PRKD1: variants seen among roughly 807,000 people sequenced by gnomAD.
PRKD1 encodes the protein serine/threonine-protein kinase D1.
PRKD1 carries 63 observed loss-of-function variants against 95.9 expected under a neutral mutation model. That is an observed-to-expected ratio of 0.66 (90% CI 0.54 to 0.81). The LOEUF (loss-of-function observed/expected upper bound fraction) is 0.81. Ranked by LOEUF, PRKD1 falls within the 30% of genes least tolerant of loss-of-function variation. The probability of loss-of-function intolerance (pLI) is 0.00; values close to 1 mark genes in which losing one functional copy is unlikely to be tolerated. For missense variants in PRKD1, 1,048 were observed against 1,165.3 expected (o/e 0.90, Z 1.47); for synonymous variants, 425 against 423.1 (o/e 1.00, Z -0.05).
chr14:29,665,931 A>G, intron 3 of PRKD1, 146 bp downstream of exon 3: 1 of 793,960 alleles, frequency 1.3e-6, no homozygotes, highest in Non-Finnish European at 1.8e-6. Context: ...GTGCGTATAT[A>G]TATGTATATA....
intron 4 of PRKD1, among the ~76,000 whole-genome samples, chr14:29,659,776 T>C (rs1445571719): frequency 2.6e-5 from 4 of 152,230 alleles, no homozygotes; most frequent in Non-Finnish European, 4.4e-5. Context: ...GTTAAGTATA[T>C]AGCTATATTT....
At chr14:29,837,317 T>C (rs558027961) in intron 1 of PRKD1, among the ~76,000 whole-genome samples, 1 of 152,330 alleles carries the variant, frequency 6.6e-6, no homozygotes, top group African/African-American at 2.4e-5. Flanking sequence ...ATGAAGTACA[T>C]GACTGATGTG....
At chr14:29,687,681 A>G (rs1388428185) in intron 2 of PRKD1, among the ~76,000 whole-genome samples, 2 of 152,222 alleles carry the variant, frequency 1.3e-5, no homozygotes, top group East Asian at 3.9e-4. Context: ...TCTTTGTTAA[A>G]TGAGTATTTA....
At position 29,599,018 on chromosome 14, in the gene PRKD1, T is replaced by C; in HGVS notation, c.2166+9A>G. 5.0e-6 allele frequency: 8 copies of C among 1,607,384 alleles called. No individual in the cohort carries two copies. Among genetic ancestry groups the C allele is most frequent in the Non-Finnish European group, 6.8e-6 (8 of 1,174,114 alleles). ...CTGGCTTTTTGCTGAGAGAGGCTTTTATACTTGCCTGAGGAAAAGGATCAG... is the reference window on the plus strand; with the variant it reads ...CTGGCTTTTTGCTGAGAGAGGCTTTCATACTTGCCTGAGGAAAAGGATCAG... On this transcript the variant is annotated intron_variant, in intron 15 of 17. Coordinates refer to ENST00000331968, the MANE Select transcript of PRKD1 (RefSeq NM_002742.3).
rs949756312 is a variant in PRKD1 at position 29,644,424 on chromosome 14, T to G, written c.697-5520A>C. On this transcript the variant is annotated intron_variant, in intron 4 of 17. Coordinates refer to ENST00000331968, the MANE Select transcript of PRKD1 (RefSeq NM_002742.3). ...GAGGAATGGTTGAGACTATAGTAAT[T>G]TGGAGAGGACAGCGTCACTGTAAAA... is the stretch of plus-strand genomic sequence containing the variant. 2.6e-5 allele frequency among the ~76,000 whole-genome samples: 4 copies of G among 152,254 alleles called. No individual in the cohort carries two copies. In the East Asian group the frequency reaches 7.7e-4, roughly 29 times the overall value.
chr14:29,600,664 T>C (rs1364902111), intron 13 of PRKD1, among the ~76,000 whole-genome samples: 4 of 152,170 alleles, frequency 2.6e-5, no homozygotes, highest in Non-Finnish European at 5.9e-5. Flanking sequence ...TTTTGATATG[T>C]GGTGCGGTGG....
At chr14:29,782,819 C>T (rs1309057660) in intron 1 of PRKD1, among the ~76,000 whole-genome samples, 5 of 152,204 alleles carry the variant, frequency 3.3e-5, no homozygotes, top group African/African-American at 1.2e-4. Context: ...GCCAGTATTA[C>T]AGGCGTGAGC....
At chr14:29,593,771 A>G (rs902836139) in intron 16 of PRKD1, among the ~76,000 whole-genome samples, 4 of 152,166 alleles carry the variant, frequency 2.6e-5, no homozygotes, top group African/African-American at 7.2e-5. Flanking sequence ...TTATTTGCCT[A>G]AGTTACAGAT....
chr14:29,766,848 T>G (rs2139128916), intron 1 of PRKD1, among the ~76,000 whole-genome samples: 1 of 152,248 alleles, frequency 6.6e-6, no homozygotes, highest in East Asian at 1.9e-4. Flanking sequence ...TTTATTCAAA[T>G]TGTTGCATAT....
rs1374989649 is a variant in PRKD1, at chr14:29,909,058, T to C, written c.264+18191A>G. ...CTCACGGGTCAGCATGAGTTCCGGG[T>C]GGGCGTGGGCTTGGCGGGCCCCACA... On this transcript the variant is annotated intron_variant, in intron 1 of 17. Coordinates refer to ENST00000331968, the MANE Select transcript of PRKD1 (RefSeq NM_002742.3). 4.6e-5 allele frequency among the ~76,000 whole-genome samples: 7 copies of C among 152,170 alleles called. No homozygotes were observed. The East Asian group carries it at 1.2e-3, about 25-fold the overall frequency.
chr14:29,734,192 A>ACTCG, intron 1 of PRKD1, among the ~76,000 whole-genome samples: 1 of 151,238 alleles, frequency 6.6e-6, no homozygotes, highest in South Asian at 2.1e-4. Flanking sequence ...ACAGGTGCCC[A>ACTCG]CCACACGCCT....
At chr14:29,622,089 G>T (rs1042064310) in intron 13 of PRKD1, among the ~76,000 whole-genome samples, 1 of 152,150 alleles carries the variant, frequency 6.6e-6, no homozygotes, top group Non-Finnish European at 1.5e-5. Flanking sequence ...GCATGGAGGG[G>T]GCGGGCATTT....
At chr14:29,775,085 G>A (rs1481815356) in intron 1 of PRKD1, among the ~76,000 whole-genome samples, 1 of 152,120 alleles carries the variant, frequency 6.6e-6, no homozygotes, top group Non-Finnish European at 1.5e-5. Context: ...GTTGGAAGCA[G>A]CAGAAACAAA....
At chr14:29,917,387 C>T (rs10144259) in intron 1 of PRKD1, among the ~76,000 whole-genome samples, 3,602 of 152,112 alleles carry the variant, frequency 0.024, 150 homozygotes, top group African/African-American at 0.083. Context: ...ATGAAAAGTG[C>T]TTTGATTCTT....
Position 29,663,858 on chromosome 14 carries a change from C to T in PRKD1, c.537G>A (p.Gly179=). ...GLVRQGLKCE[G]CGLNYHKRCA... is the part of the protein sequence containing the mutation. ...ATCTCTTATGGTAATTCAGACCACA[C>T]CCTGGAAAGGGAAAATAAAAATTAT... Residue 179 remains glycine (G), a splice_region_variant and synonymous_variant, in exon 4 of 18, where the codon GGG becomes GGA. Transcript: ENST00000331968. The T allele has an allele frequency of 6.2e-7, 1 of 1,612,440 alleles. No individual in the cohort carries two copies. Among genetic ancestry groups the T allele is most frequent in the South Asian group, 1.1e-5 (1 of 90,934 alleles).
chr14:29,888,081 A>C (rs531210659), intron 1 of PRKD1, among the ~76,000 whole-genome samples: 5 of 152,262 alleles, frequency 3.3e-5, no homozygotes, highest in African/African-American at 1.2e-4. Flanking sequence ...TAAGAGGATC[A>C]CTTGAGTCCA....
intron 1 of PRKD1, 138 bp from the exon 2 acceptor site, chr14:29,725,812 A>C (rs1350114652): frequency 8.3e-6 from 7 of 845,336 alleles, no homozygotes; most frequent in Non-Finnish European, 1.0e-5. Flanking sequence ...AAAATTAAAA[A>C]ATAAATAAAT....
chr14:29,578,543 TAA>T (rs992449669), intron 16 of PRKD1, among the ~76,000 whole-genome samples, 183 bp from the exon 17 acceptor site: 2,061 of 42,428 alleles, frequency 0.049, 11 homozygotes, highest in African/African-American at 0.14. Context: ...TTTTGGATAC[TAA>T]AAAAAAAAAA....
At chr14:29,851,953 C>T (rs1594577484) in intron 1 of PRKD1, among the ~76,000 whole-genome samples, 1 of 152,262 alleles carries the variant, frequency 6.6e-6, no homozygotes, top group Non-Finnish European at 1.5e-5. Flanking sequence ...AGTTGGAAGC[C>T]ATTATCCTAC....
Sources: gnomAD v4.1 joint callset for allele counts (sites outside exome capture counted in the v4.1 genomes callset) on GRCh38, gnomAD v4.1.1 for gene constraint, MANE v1.5 for transcripts, NCBI Gene and HGNC (gene_info 2026-07-23, HGNC 2026-07-21) for gene names.